The following ABI3BP variants were observed in gnomAD, a reference collection of about 807,000 sequenced individuals.
ABI3BP encodes target of Nesh-SH3.
In ABI3BP, 216 loss-of-function variants were observed where a neutral mutation model predicts 268.6. That is an observed-to-expected ratio of 0.80 (90% CI 0.72 to 0.90). ABI3BP has a LOEUF of 0.90. Among genes scored for constraint, ABI3BP ranks in the 40% least tolerant of loss-of-function variants. The probability of loss-of-function intolerance (pLI) is 0.00; values close to 1 mark genes in which losing one functional copy is unlikely to be tolerated. For synonymous variants in ABI3BP, 730 were observed against 730.0 expected (o/e 1.00, Z 0.00); for missense variants, 2,090 against 2,182.4 (o/e 0.96, Z 0.84).
At chr3:100,992,292 G>A (rs752704370) in intron 1 of ABI3BP, among the ~76,000 whole-genome samples, 10 of 152,230 alleles carry the variant, frequency 6.6e-5, no homozygotes, top group Middle Eastern at 3.4e-3. Flanking sequence ...TTTTCACTTG[G>A]GACAAGATGA....
In ABI3BP at chr3:100,820,273, G is replaced by T. The variant is rs1006868941; in HGVS notation, c.2978C>A (p.Pro993Gln). Residue 993 changes from proline (P) to glutamine (Q), a missense_variant, in exon 40 of 68, where the codon CCA becomes CAA. Pro to Gln is a moderately conservative substitution (Grantham distance 76). Transcript: ENST00000471714. ...APKTSQRTRRPRPKTKTTPSP... is the reference protein window; with the variant it reads ...APKTSQRTRRQRPKTKTTPSP... ...TGGTGTGGTTTTAGTTTTGGGACGTGGACGACGAGTTCGTTGTGATGTTTT... is the reference window on the plus strand; with the variant it reads ...TGGTGTGGTTTTAGTTTTGGGACGTTGACGACGAGTTCGTTGTGATGTTTT... The T allele has an allele frequency of 6.5e-7, 1 of 1,536,120 alleles. No individual in the cohort carries two copies. Among genetic ancestry groups the T allele is most frequent in the African/African-American group, 1.4e-5 (1 of 73,144 alleles).
intron 63 of ABI3BP, among the ~76,000 whole-genome samples, chr3:100,758,711 AG>A (rs764765449): frequency 2.4e-4 from 36 of 152,334 alleles, no homozygotes; most frequent in Non-Finnish European, 3.8e-4. Context: ...GGCATAATAG[AG>A]GGTATTGTTT....
intron 27 of ABI3BP, among the ~76,000 whole-genome samples, chr3:100,836,521 G>T (rs1359190141): frequency 2.6e-5 from 4 of 151,928 alleles, no homozygotes; most frequent in African/African-American, 9.7e-5. Flanking sequence ...AGAACTAAAG[G>T]CATATATAAT....
chr3:100,756,079 G>A (rs1360833427), intron 63 of ABI3BP, among the ~76,000 whole-genome samples: 2 of 152,202 alleles, frequency 1.3e-5, no homozygotes, highest in Non-Finnish European at 2.9e-5. Flanking sequence ...ACCATTTTCT[G>A]AATGCTTACT....
chr3:100,903,656 T>C lies in ABI3BP; in HGVS notation c.260-970A>G, dbSNP rs936591197. 2.0e-5 allele frequency among the ~76,000 whole-genome samples: 3 copies of C among 152,342 alleles called. No individual in the cohort carries two copies. The East Asian group carries it at 5.8e-4, about 29-fold the overall frequency. On this transcript the variant is annotated intron_variant, in intron 2 of 67. Coordinates refer to ENST00000471714, the MANE Select transcript of ABI3BP (RefSeq NM_001375547.2). The stretch of plus-strand genomic sequence containing the variant: ...GTTTTGTTTTCATTCTGGGTTCAAA[T>C]GTCTCCCCTCCATGAGTCTGGAGCA...
At chr3:100,854,435 A>C (rs1475646970) in intron 14 of ABI3BP, among the ~76,000 whole-genome samples, 1 of 152,182 alleles carries the variant, frequency 6.6e-6, no homozygotes, top group East Asian at 1.9e-4. Context: ...CCTAACAATC[A>C]ACAGCTCTTG....
intron 18 of ABI3BP, 98 bp downstream of exon 18, chr3:100,848,694 TGGAGTTGCA>T (rs1351098953): frequency 1.1e-5 from 12 of 1,073,708 alleles, no homozygotes; most frequent in Non-Finnish European, 1.7e-5. Context: ...CCCAAAGTGC[TGGAGTTGCA>T]GGTGTGAGCC....
intron 1 of ABI3BP, among the ~76,000 whole-genome samples, chr3:100,976,982 C>T (rs1030702712): frequency 6.6e-6 from 1 of 152,220 alleles, no homozygotes; most frequent in African/African-American, 2.4e-5. Flanking sequence ...AACTACCAAA[C>T]ATTTTTCTAT....
chr3:100,895,465 A>C (rs1015168945), intron 4 of ABI3BP, among the ~76,000 whole-genome samples: 1 of 152,256 alleles, frequency 6.6e-6, no homozygotes, highest in Non-Finnish European at 1.5e-5. Flanking sequence ...TTTGATATAC[A>C]AAGTCCATAG....
chr3:100,924,602 C>G (rs148590170), intron 2 of ABI3BP, among the ~76,000 whole-genome samples: 1 of 151,998 alleles, frequency 6.6e-6, no homozygotes, highest in African/African-American at 2.4e-5. Flanking sequence ...ATACTCTTTC[C>G]TTGGTTGTCT....
intron 5 of ABI3BP, 105 bp from the exon 6 acceptor site, chr3:100,885,693 T>C (rs2153402981): frequency 3.2e-6 from 2 of 622,640 alleles, no homozygotes; most frequent in East Asian, 5.9e-5. Context: ...CTAACTTGGA[T>C]GTATAATTTT....
At chr3:100,860,536 T>C (rs775014568) in intron 14 of ABI3BP, among the ~76,000 whole-genome samples, 1 of 152,352 alleles carries the variant, frequency 6.6e-6, no homozygotes, top group Non-Finnish European at 1.5e-5. Context: ...CTTTCCTTTA[T>C]TGGCATTTCC....
At position 100,825,863 on chromosome 3, in the gene ABI3BP, C is replaced by G; in HGVS notation, c.2603-19G>C. The G allele has an allele frequency of 6.6e-7, 1 of 1,516,206 alleles. No homozygotes were observed. The highest frequency in any genetic ancestry group is 8.9e-7 in the Non-Finnish European group (1 of 1,129,024). 93.9% of individuals were successfully genotyped at this position (1,516,206 alleles called of 1,614,324 possible). The stretch of plus-strand genomic sequence containing the variant: ...ACAGGAACTGAAGTAATAAGATAAA[C>G]AAAAGAGATGGTAAAAAATGTGTGG... On this transcript the variant is annotated intron_variant, in intron 34 of 67. Coordinates refer to ENST00000471714, the MANE Select transcript of ABI3BP (RefSeq NM_001375547.2).
chr3:100,893,785 A>G (rs1184586180), intron 4 of ABI3BP, among the ~76,000 whole-genome samples: 1 of 152,204 alleles, frequency 6.6e-6, no homozygotes, highest in Admixed American at 6.5e-5. Context: ...TGCCAGCAGG[A>G]GGCAGGGCAC....
In ABI3BP at chr3:100,864,018, C is replaced by A; in HGVS notation, c.1122G>T (p.Leu374Phe). 6.5e-7 allele frequency: 1 copy of A among 1,534,882 alleles called. No homozygotes were observed. The stretch of plus-strand genomic sequence containing the variant: ...ATTTTTTACCTAGAGTGCTCAGTGG[C>A]AATTCAAACTGAGGTATTAGAATAG... ...LQTILIPQFE[L>F]PLSTLAPKSL... Residue 374 changes from leucine (L) to phenylalanine (F), a missense_variant, in exon 12 of 68, where the codon TTG (leucine) becomes TTT (phenylalanine). Transcript: ENST00000471714.
intron 21 of ABI3BP, 60 bp from the exon 22 acceptor site, chr3:100,840,918 A>C: frequency 7.4e-7 from 1 of 1,351,508 alleles, no homozygotes; most frequent in Non-Finnish European, 1.0e-6. Context: ...AATGACATGT[A>C]TTTAAAACAT....
chr3:100,949,924 G>A (rs770213571), intron 1 of ABI3BP, among the ~76,000 whole-genome samples: 1 of 152,090 alleles, frequency 6.6e-6, no homozygotes, highest in Non-Finnish European at 1.5e-5. Flanking sequence ...ACTGTTATAT[G>A]GATAATTTAT....
chr3:100,863,981 G>T lies in ABI3BP; in HGVS notation c.1138+21C>A, dbSNP rs189981969. On this transcript the variant is annotated intron_variant, in intron 12 of 67. Transcript: ENST00000471714. ...CAATATCCAAGGTAATAATAAAGCT[G>T]CAGTATTTATTATTTTTTACCTAGA... is the stretch of plus-strand genomic sequence containing the variant. 3,017 of 1,443,966 alleles carry T rather than the reference G, an allele frequency of 2.1e-3. 9 individuals are homozygous for T. The highest frequency in any genetic ancestry group is 2.8e-3 in the South Asian group (234 of 82,166). The allele number at this position is 1,443,966 out of a possible 1,614,324, so 89.4% of individuals were successfully genotyped here. A position where few individuals can be genotyped will look rare whatever the true frequency, so the allele number is the denominator to read the frequency against.
chr3:100,780,863 A>G (rs2096845193), intron 57 of ABI3BP, among the ~76,000 whole-genome samples: 1 of 152,278 alleles, frequency 6.6e-6, no homozygotes, highest in African/African-American at 2.4e-5. Flanking sequence ...ATTACTAGCC[A>G]TTTGCCTAAA....
Sources: allele counts gnomAD v4.1 joint callset (sites outside exome capture counted in the v4.1 genomes callset), GRCh38; gene constraint gnomAD v4.1.1; transcripts MANE v1.5; gene names NCBI Gene and HGNC (gene_info 2026-07-23, HGNC 2026-07-21).